The following RSPH14 variants were observed in gnomAD, a reference collection of about 807,000 sequenced individuals.
RSPH14 encodes the protein radial spoke head 14 homolog.
In RSPH14, 20 loss-of-function variants were observed where a neutral mutation model predicts 26.7. That is an observed-to-expected ratio of 0.75 (90% confidence interval 0.53 to 1.09). The LOEUF is 1.09. Among genes scored for constraint, RSPH14 ranks in the 50% least tolerant of loss-of-function variants. The pLI is 0.00. For synonymous variants in RSPH14, 177 were observed against 189.3 expected (o/e 0.93, Z 0.53); for missense variants, 449 against 457.2 (o/e 0.98, Z 0.16).
At chr22:23,127,864 CA>C (rs1212256825) in intron 4 of RSPH14, among the ~76,000 whole-genome samples, 1 of 152,202 alleles carries the variant, frequency 6.6e-6, no homozygotes, top group African/African-American at 2.4e-5. Flanking sequence ...TTCTCCTTTC[CA>C]AGGTCACGGA....
At chr22:23,152,909 G>A in the RSPH14 span, 31 of 727,704 alleles carry the variant, frequency 4.3e-5, no homozygotes, top group Middle Eastern at 2.4e-4. Context: ...CATGGCCTGC[G>A]TGGACCATCG....
At chr22:23,118,539 G>C (rs75093206) in intron 4 of RSPH14, among the ~76,000 whole-genome samples, 3,741 of 147,504 alleles carry the variant, frequency 0.025, 153 homozygotes, top group African/African-American at 0.088. Flanking sequence ...CTTCTTGCCA[G>C]AACAGGACAC....
the RSPH14 span, chr22:23,156,092 C>G: frequency 8.1e-6 from 12 of 1,474,548 alleles, no homozygotes; most frequent in Non-Finnish European, 1.1e-5. Flanking sequence ...CTGCCGGGCT[C>G]CACAGTGGGA....
chr22:23,104,759 G>A (rs1365236071), intron 4 of RSPH14, among the ~76,000 whole-genome samples: 1 of 152,200 alleles, frequency 6.6e-6, no homozygotes, highest in African/African-American at 2.4e-5. Flanking sequence ...CCATGAACAA[G>A]ACAAGCAGTG....
At chr22:23,124,196 T>TTG (rs1555937759) in intron 4 of RSPH14, 4 of 180,024 alleles carry the variant, frequency 2.2e-5, no homozygotes, top group African/African-American at 1.4e-4. Flanking sequence ...TGACATTTTT[T>TTG]TTTTGTTTTG....
At chr22:23,142,044 T>C (rs1370105211), upstream of RSPH14, 1 of 985,032 alleles carries the variant, frequency 1.0e-6, no homozygotes, top group Non-Finnish European at 1.2e-6. Flanking sequence ...TCCAGCAGCG[T>C]CCGCGGCGCC....
chr22:23,159,209 C>A, the RSPH14 span: 2 of 1,608,372 alleles, frequency 1.2e-6, no homozygotes, highest in Non-Finnish European at 1.7e-6. Context: ...GTGCACCTGG[C>A]CAGGGAGATG....
intron 4 of RSPH14, among the ~76,000 whole-genome samples, chr22:23,097,287 C>T (rs1240551814): frequency 6.6e-6 from 1 of 152,188 alleles, no homozygotes; most frequent in Non-Finnish European, 1.5e-5. Flanking sequence ...CACTGGCCTC[C>T]GAGGTCACTC....
At chr22:23,129,430 A>T (rs1276448521) in intron 4 of RSPH14, among the ~76,000 whole-genome samples, 1 of 152,060 alleles carries the variant, frequency 6.6e-6, no homozygotes, top group East Asian at 1.9e-4. Flanking sequence ...CCTACTCCTA[A>T]TGGTGCGCCC....
intron 1 of RSPH14, 55 bp downstream of exon 1, chr22:23,141,894 G>C (rs2070609396): frequency 1.3e-6 from 1 of 778,404 alleles, no homozygotes; most frequent in Non-Finnish European, 1.6e-6. Context: ...ATGGGACTGG[G>C]TGGGTCACTG....
At position 23,099,539 on chromosome 22, in the gene RSPH14, G is replaced by A. The variant is rs189122073; in HGVS notation, c.421+34487C>T. Among the ~76,000 whole-genome samples the A allele has an allele frequency of 4.6e-4, 70 of 152,354 alleles. 1 individual carries two copies. In the East Asian group the frequency reaches 9.3e-3, roughly 20 times the overall value. ...CTGAATGATCCTGTGGGGCAGCAGC[G>A]CCTGTTATTTTTGTCACAGATCGAG... On this transcript the variant is annotated intron_variant, in intron 4 of 6. Transcript: ENST00000216036.
chr22:23,107,878 C>T (rs766833236), intron 4 of RSPH14, among the ~76,000 whole-genome samples: 3 of 152,222 alleles, frequency 2.0e-5, no homozygotes, highest in Non-Finnish European at 2.9e-5. Context: ...ACCGACGAAG[C>T]CACAGTGAGG....
At chr22:23,139,016 G>T in intron 2 of RSPH14, 74 bp from the exon 3 acceptor site, 1 of 1,194,892 alleles carries the variant, frequency 8.4e-7, no homozygotes, top group Non-Finnish European at 1.2e-6. Context: ...CAACCCAGAA[G>T]TCAATAAGTG....
chr22:23,086,800 G>A (rs1429769979), intron 4 of RSPH14, among the ~76,000 whole-genome samples: 1 of 152,248 alleles, frequency 6.6e-6, no homozygotes, highest in Non-Finnish European at 1.5e-5. Flanking sequence ...GGTGGGGCCA[G>A]CATGACAGGA....
the RSPH14 span, among the ~76,000 whole-genome samples, chr22:23,165,961 A>G: frequency 2.6e-5 from 4 of 152,108 alleles, no homozygotes; most frequent in Non-Finnish European, 5.9e-5. Flanking sequence ...CCTGGCTAAC[A>G]TGGTGAAACC....
the RSPH14 span, chr22:23,155,889 G>T: frequency 1.5e-6 from 2 of 1,348,304 alleles, no homozygotes; most frequent in Admixed American, 4.6e-5. Context: ...CCCACCCATG[G>T]TCCCGTAGCC....
chr22:23,151,971 T>A, the RSPH14 span, among the ~76,000 whole-genome samples: 1 of 152,202 alleles, frequency 6.6e-6, no homozygotes, highest in Non-Finnish European at 1.5e-5. Flanking sequence ...GAGTGCCTGC[T>A]TGCAAGAGGC....
upstream of RSPH14, among the ~76,000 whole-genome samples, chr22:23,143,911 CA>C (rs2070652211): frequency 6.6e-6 from 1 of 151,988 alleles, no homozygotes; most frequent in African/African-American, 2.4e-5. Flanking sequence ...GCACACATGG[CA>C]AAACCCCATC....
chr22:23,145,277 T>G, upstream of RSPH14: 1 of 1,113,842 alleles, frequency 9.0e-7, no homozygotes, highest in Non-Finnish European at 1.3e-6. Flanking sequence ...GCACCGCCCT[T>G]GTTGTCATGG....
Sources: gnomAD v4.1 joint callset for allele counts (sites outside exome capture counted in the v4.1 genomes callset) on GRCh38, gnomAD v4.1.1 for gene constraint, MANE v1.5 for transcripts, NCBI Gene and HGNC (gene_info 2026-07-23, HGNC 2026-07-21) for gene names.